The following VAV2 variants were observed in gnomAD, a reference collection of about 807,000 sequenced individuals.
VAV2 encodes vav guanine nucleotide exchange factor 2.
A neutral mutation model predicts 132.5 loss-of-function variants in VAV2; 67 were observed. The ratio of observed to expected loss-of-function variants is 0.51; its 90% CI spans 0.42 to 0.62. The LOEUF (loss-of-function observed/expected upper bound fraction) is 0.62. Among genes scored for constraint, VAV2 ranks in the 20% least tolerant of loss-of-function variants. The pLI is 0.00. For missense variants in VAV2, 938 were observed against 1,153.6 expected (o/e 0.81, Z 2.71); for synonymous variants, 492 against 443.5 (o/e 1.11, Z -1.37).
chr9:133,838,088 G>A (rs1472781884), intron 3 of VAV2, among the ~76,000 whole-genome samples: 1 of 152,102 alleles, frequency 6.6e-6, no homozygotes, highest in East Asian at 1.9e-4. Context: ...ATATGCAGGA[G>A]AATAGAGGAG....
Position 133,769,411 on chromosome 9 carries a change from CGGTACCTGACCAGAAGGGAGCGGA to C in VAV2, c.2416_2434+5del. 1 of 1,608,792 alleles carries C rather than the reference CGGTACCTGACCAGAAGGGAGCGGA, an allele frequency of 6.2e-7. No individual in the cohort carries two copies. The highest frequency in any genetic ancestry group is 8.5e-7 in the Non-Finnish European group (1 of 1,177,858). On this transcript the variant is annotated splice_donor_variant and splice_donor_5th_base_variant and coding_sequence_variant and intron_variant, in exon 28 of 30. Transcript: ENST00000371850. LOFTEE classifies it high-confidence loss of function. The surrounding 1 kb of genome is among the most constrained non-coding windows in gnomAD (Gnocchi z 8.1). ...GGTCCCCCCACGCCCTGGGGAGCAGCGGTACCTGACCAGAAGGGAGCGGAGGGGCCCTGAGAAGCAAAGCTGAGG... is the reference window on the plus strand; with the variant it reads ...GGTCCCCCCACGCCCTGGGGAGCAGCGGGGCCCTGAGAAGCAAAGCTGAGG...
At chr9:133,967,034 C>A (rs79360703) in intron 1 of VAV2, among the ~76,000 whole-genome samples, 3,040 of 105,090 alleles carry the variant, frequency 0.029, no homozygotes, top group Middle Eastern at 0.045. Context: ...GACTTTGTCT[C>A]AAAAAAAAAA....
At chr9:133,922,580 C>T (rs1840334477) in intron 2 of VAV2, among the ~76,000 whole-genome samples, 1 of 152,182 alleles carries the variant, frequency 6.6e-6, no homozygotes. Flanking sequence ...ACAAAGATTC[C>T]AAGGCCATTC....
chr9:133,786,049 C>T lies in VAV2; in HGVS notation c.1423-164G>A, dbSNP rs760518856. On this transcript the variant is annotated intron_variant, in intron 16 of 29. Transcript: ENST00000371850. ...ACATGTTCTCACGTGTGTACCTGCT[C>T]TCTTGCCCATGCTGTACGTGCACAC... The T allele has an allele frequency of 1.1e-5, 8 of 703,006 alleles. No individual in the cohort carries two copies. The South Asian group carries it at 1.2e-4, about 11-fold the overall frequency. The allele number at this position is 703,006 out of a possible 1,614,324, so 43.5% of individuals were successfully genotyped here.
At position 133,790,753 on chromosome 9, in the gene VAV2, G is replaced by A. The variant is rs542717047; in HGVS notation, c.1188+1030C>T. Among the ~76,000 whole-genome samples, 8 of 151,776 alleles carry A rather than the reference G, an allele frequency of 5.3e-5. No homozygotes were observed. In the South Asian group the frequency reaches 6.2e-4, roughly 12 times the overall value. On this transcript the variant is annotated intron_variant, in intron 13 of 29. Coordinates refer to ENST00000371850, the MANE Select transcript of VAV2 (RefSeq NM_001134398.2). ...AAGCTTATTTTTTTTTTCTTTCATC[G>A]CCGACGTATCGCAGGTGCTTTTCCG...
intron 3 of VAV2, among the ~76,000 whole-genome samples, chr9:133,848,295 A>AAAAAAAAAAAAAAAAAAAAAAAC (rs1837027285): frequency 6.6e-6 from 1 of 151,710 alleles, no homozygotes; most frequent in African/African-American, 2.4e-5. Flanking sequence ...AAAAAAAAAA[A>AAAAAAAAAAAAAAAAAAAAAAAC]AAAAAAAAAT....
At position 133,969,633 on chromosome 9, in the gene VAV2, C is replaced by T. The variant is rs562677506; in HGVS notation, c.204+22442G>A. 3.3e-5 allele frequency among the ~76,000 whole-genome samples: 5 copies of T among 152,252 alleles called. No homozygotes were observed. Among genetic ancestry groups the T allele is most frequent in the Non-Finnish European group, 7.4e-5 (5 of 67,990 alleles). ...GGGACTTGAACCCCTAGGGCCAACT[C>T]CAGATGAGCCCCACTGTCCATCGCA... On this transcript the variant is annotated intron_variant, in intron 1 of 29. Transcript: ENST00000371850. The surrounding 1 kb of genome is among the most constrained non-coding windows in gnomAD (Gnocchi z 5.1).
At chr9:133,934,505 C>T (rs2132120220) in intron 2 of VAV2, among the ~76,000 whole-genome samples, 1 of 152,306 alleles carries the variant, frequency 6.6e-6, no homozygotes, top group South Asian at 2.1e-4. Context: ...CGGCACCATC[C>T]AAGCAGCTGG....
intron 9 of VAV2, among the ~76,000 whole-genome samples, chr9:133,805,035 C>A (rs1386765145): frequency 6.6e-6 from 1 of 152,138 alleles, no homozygotes; most frequent in Non-Finnish European, 1.5e-5. Flanking sequence ...GAAGCACCTG[C>A]AGGGCTTCCC....
In VAV2 at chr9:133,961,924, G is replaced by A. The variant is rs1049810461; in HGVS notation, c.205-22705C>T. Among the ~76,000 whole-genome samples the A allele has an allele frequency of 3.3e-5, 5 of 152,034 alleles. No homozygotes were observed. The highest frequency in any genetic ancestry group is 6.5e-5 in the Admixed American group (1 of 15,270). On this transcript the variant is annotated intron_variant, in intron 1 of 29. Coordinates refer to ENST00000371850, the MANE Select transcript of VAV2 (RefSeq NM_001134398.2). The surrounding 1 kb of genome is among the most constrained non-coding windows in gnomAD (Gnocchi z 4.1). Reference sequence around the variant, plus strand: ...CCCCCACCCTGACTCCTCACCCCACGGTGGCCCCTGCCAGAACCCAGCATC... The same window carrying A: ...CCCCCACCCTGACTCCTCACCCCACAGTGGCCCCTGCCAGAACCCAGCATC...
rs1010109387 is a variant in VAV2 at position 133,826,236 on chromosome 9, TGAAAG to T, written c.449+8031_449+8035del. 3.9e-5 allele frequency among the ~76,000 whole-genome samples: 6 copies of T among 152,032 alleles called. No homozygotes were observed. The highest frequency in any genetic ancestry group is 1.4e-4 in the African/African-American group (6 of 41,382). On this transcript the variant is annotated intron_variant, in intron 4 of 29. Transcript: ENST00000371850. The surrounding 1 kb of genome is among the most constrained non-coding windows in gnomAD (Gnocchi z 4.2). Reference sequence around the variant, plus strand: ...TAACTTGCCCAGAGAAGCAGCCCCTTGAAAGGAAAGGAAAGGCCAGCTAGACCTTG... The same window carrying T: ...TAACTTGCCCAGAGAAGCAGCCCCTTGAAAGGAAAGGCCAGCTAGACCTTG...
chr9:133,921,292 T>C (rs1291990110), intron 2 of VAV2, among the ~76,000 whole-genome samples: 3 of 143,320 alleles, frequency 2.1e-5, no homozygotes, highest in Non-Finnish European at 4.4e-5. Context: ...CCATGTTTGC[T>C]GAATGAATGA....
intron 22 of VAV2, among the ~76,000 whole-genome samples, chr9:133,778,132 C>T (rs1440769166): frequency 6.6e-6 from 1 of 152,102 alleles, no homozygotes; most frequent in Non-Finnish European, 1.5e-5. Context: ...GCAAATGTGC[C>T]CAGAACCCTT....
intron 1 of VAV2, among the ~76,000 whole-genome samples, chr9:133,956,034 G>A (rs921686309): frequency 2.6e-5 from 4 of 151,586 alleles, no homozygotes; most frequent in African/African-American, 9.7e-5. Context: ...GTCAAGACCT[G>A]GAGCCCACGG....
intron 4 of VAV2, among the ~76,000 whole-genome samples, chr9:133,813,547 T>G (rs1835439376): frequency 6.6e-6 from 1 of 152,216 alleles, no homozygotes; most frequent in Non-Finnish European, 1.5e-5. Flanking sequence ...CACGCTGCAA[T>G]GCACAAGCCA....
intron 1 of VAV2, among the ~76,000 whole-genome samples, chr9:133,987,208 C>A (rs564364251): frequency 7.9e-5 from 12 of 152,018 alleles, no homozygotes; most frequent in Non-Finnish European, 1.6e-4. Context: ...TTCACACTCT[C>A]CAGCTGTCCA....
intron 2 of VAV2, among the ~76,000 whole-genome samples, chr9:133,901,328 A>G (rs1166364820): frequency 6.6e-6 from 1 of 152,148 alleles, no homozygotes; most frequent in Admixed American, 6.5e-5. Context: ...CGAGCCTCAG[A>G]AGAGGCATGG....
intron 2 of VAV2, among the ~76,000 whole-genome samples, chr9:133,924,826 C>A (rs571922464): frequency 1.3e-5 from 2 of 152,344 alleles, no homozygotes; most frequent in South Asian, 4.1e-4. Context: ...CAGTGTCCAC[C>A]AACAGGTGCA....
chr9:133,875,176 G>A (rs1459641822), intron 2 of VAV2, among the ~76,000 whole-genome samples: 1 of 152,182 alleles, frequency 6.6e-6, no homozygotes, highest in Non-Finnish European at 1.5e-5. Context: ...CAGGTCACGT[G>A]TGTGCAAGCC....
Sources: gnomAD v4.1 joint callset for allele counts (sites outside exome capture counted in the v4.1 genomes callset) on GRCh38, gnomAD v4.1.1 for gene constraint, Gnocchi (gnomAD v3.1) non-coding constraint, MANE v1.5 for transcripts, NCBI Gene and HGNC (gene_info 2026-07-23, HGNC 2026-07-21) for gene names.